The following SLC23A2 variants were observed in gnomAD, a reference collection of about 807,000 sequenced individuals.
SLC23A2 encodes the protein Na(+)/L-ascorbic acid transporter 2.
SLC23A2 carries 36 observed loss-of-function variants against 73.3 expected under a neutral mutation model. That is an observed-to-expected ratio of 0.49 (90% CI 0.38 to 0.65). The LOEUF is 0.65. Among genes scored for constraint, SLC23A2 ranks in the 30% least tolerant of loss-of-function variants. The probability of loss-of-function intolerance (pLI) is 0.00; values close to 1 mark genes in which losing one functional copy is unlikely to be tolerated. For synonymous variants in SLC23A2, 343 were observed against 327.3 expected (o/e 1.05, Z -0.52); for missense variants, 507 against 841.6 (o/e 0.60, Z 4.92).
At chr20:4,963,831 T>C (rs555868775) in intron 2 of SLC23A2, among the ~76,000 whole-genome samples, 6 of 152,002 alleles carry the variant, frequency 3.9e-5, no homozygotes, top group East Asian at 3.9e-4. Context: ...CTGGGTGACA[T>C]AGTGAGACTC....
intron 1 of SLC23A2, among the ~76,000 whole-genome samples, chr20:5,009,962 GCA>G (rs2088231741): frequency 6.6e-6 from 1 of 152,064 alleles, no homozygotes; most frequent in Non-Finnish European, 1.5e-5. Context: ...GGGCGTGGTT[GCA>G]GGCGCCTGTA....
At chr20:4,977,686 A>G (rs2087664890) in intron 1 of SLC23A2, among the ~76,000 whole-genome samples, 2 of 149,332 alleles carry the variant, frequency 1.3e-5, no homozygotes, top group South Asian at 4.3e-4. Context: ...TGACAGAGCG[A>G]GACTCTGTCC....
intron 1 of SLC23A2, among the ~76,000 whole-genome samples, chr20:4,971,885 A>AAAAT (rs1169635796): frequency 2.6e-5 from 4 of 152,226 alleles, no homozygotes; most frequent in Non-Finnish European, 4.4e-5. Flanking sequence ...TGATTTAAAA[A>AAAAT]AAATAAATAA....
intron 2 of SLC23A2, among the ~76,000 whole-genome samples, chr20:4,950,259 G>GTC (rs1703961161): frequency 6.6e-6 from 1 of 152,182 alleles, no homozygotes; most frequent in Non-Finnish European, 1.5e-5. Flanking sequence ...AGATGAATAA[G>GTC]TCCACCCATG....
chr20:4,902,665 G>T lies in SLC23A2; in HGVS notation c.208-107C>A. ...AGAAAAACAACTTTATCAAGTGGTT[G>T]CCATCTTCCTGCAGTTTTGAGCCTT... On this transcript the variant is annotated intron_variant, in intron 4 of 16. Transcript: ENST00000338244. This position sits in a 1 kb window ranked among gnomAD's most constrained non-coding sequence, Gnocchi z 4.0. The T allele has an allele frequency of 1.7e-6, 1 of 587,600 alleles. No homozygotes were observed. 36.4% of individuals were successfully genotyped at this position (587,600 alleles called of 1,614,324 possible). A position where few individuals can be genotyped will look rare whatever the true frequency, so the allele number is the denominator to read the frequency against.
At chr20:4,894,442 A>C (rs373081147) in intron 6 of SLC23A2, among the ~76,000 whole-genome samples, 16 of 152,360 alleles carry the variant, frequency 1.1e-4, no homozygotes, top group African/African-American at 3.6e-4. Context: ...AGAGATGTGC[A>C]GTGAAGGAAG....
chr20:4,874,188 G>A, intron 10 of SLC23A2, 96 bp from the exon 11 acceptor site: 2 of 1,159,294 alleles, frequency 1.7e-6, no homozygotes, highest in Non-Finnish European at 2.5e-6. Context: ...ACACCCCAGA[G>A]CCCACCACAG....
intron 1 of SLC23A2, among the ~76,000 whole-genome samples, chr20:4,976,717 G>A (rs1381625515): frequency 1.3e-5 from 2 of 151,980 alleles, no homozygotes; most frequent in East Asian, 3.9e-4. Context: ...ACTCATGCCT[G>A]TAATCCCAGC....
chr20:4,961,490 T>A (rs1039343182), intron 2 of SLC23A2, among the ~76,000 whole-genome samples: 7 of 152,204 alleles, frequency 4.6e-5, no homozygotes, highest in Non-Finnish European at 5.9e-5. Context: ...AGGACAGCTG[T>A]GAATGCAGCC....
chr20:4,952,508 T>C (rs556578004), intron 2 of SLC23A2, among the ~76,000 whole-genome samples: 1 of 152,114 alleles, frequency 6.6e-6, no homozygotes, highest in East Asian at 1.9e-4. Context: ...TAGATGTGCA[T>C]GAGCTCAAAA....
chr20:4,924,023 G>A (rs1932583936), intron 3 of SLC23A2, among the ~76,000 whole-genome samples: 1 of 152,188 alleles, frequency 6.6e-6, no homozygotes. Flanking sequence ...ATGGGTCCCT[G>A]ATCCTGGTGG....
intron 3 of SLC23A2, among the ~76,000 whole-genome samples, chr20:4,918,215 C>G (rs1932391021): frequency 6.6e-6 from 1 of 152,174 alleles, no homozygotes; most frequent in Non-Finnish European, 1.5e-5. Context: ...TGGCATCGTT[C>G]ACCTCAGGAA....
chr20:4,989,051 C>T (rs1345791644), intron 1 of SLC23A2, among the ~76,000 whole-genome samples: 1 of 151,622 alleles, frequency 6.6e-6, no homozygotes, highest in Non-Finnish European at 1.5e-5. Flanking sequence ...CCAGCCTGAC[C>T]AATGTGGTGA....
In SLC23A2 at chr20:4,855,407, A is replaced by T. The variant is rs1929678909; in HGVS notation, c.*1565T>A. 6.6e-6 allele frequency: 1 copy of T among 152,266 alleles called. No individual in the cohort carries two copies. Among genetic ancestry groups the T allele is most frequent in the African/African-American group, 2.4e-5 (1 of 41,476 alleles). The allele number at this position is 152,266 out of a possible 1,614,324, so 9.4% of individuals were successfully genotyped here. ...TCGACCAGGCCAACGGCCACCGAAG[A>T]TGTGCCACCTCATGAAGCGAGGGCA... On this transcript the variant is annotated 3_prime_UTR_variant, in exon 17 of 17. Coordinates refer to ENST00000338244, the MANE Select transcript of SLC23A2 (RefSeq NM_005116.6).
At chr20:4,936,806 TG>T (rs1164275755) in intron 2 of SLC23A2, among the ~76,000 whole-genome samples, 1 of 152,150 alleles carries the variant, frequency 6.6e-6, no homozygotes, top group African/African-American at 2.4e-5. Context: ...TAAGCTACAG[TG>T]GGGGAACCAC....
intron 2 of SLC23A2, among the ~76,000 whole-genome samples, chr20:4,949,155 G>T (rs758577055): frequency 1.3e-5 from 2 of 151,988 alleles, no homozygotes; most frequent in Non-Finnish European, 2.9e-5. Context: ...AGGCGTGGTG[G>T]CAGGCACCTG....
chr20:5,007,496 G>A (rs921047174), intron 1 of SLC23A2, among the ~76,000 whole-genome samples: 6 of 152,072 alleles, frequency 3.9e-5, no homozygotes, highest in South Asian at 2.1e-4. Context: ...GCACCACTGC[G>A]CACCAACCTG....
chr20:4,950,920 G>A (rs1568638578), intron 2 of SLC23A2, among the ~76,000 whole-genome samples: 1 of 152,186 alleles, frequency 6.6e-6, no homozygotes, highest in Non-Finnish European at 1.5e-5. Flanking sequence ...GGGATAAGAG[G>A]ATGACACCAC....
chr20:4,886,218 G>A (rs1299065668), intron 6 of SLC23A2, among the ~76,000 whole-genome samples: 3 of 152,176 alleles, frequency 2.0e-5, no homozygotes, highest in Non-Finnish European at 4.4e-5. Context: ...GGGAGACTGC[G>A]GGCATTTGAG....
Sources: gnomAD v4.1 joint callset for allele counts (sites outside exome capture counted in the v4.1 genomes callset) on GRCh38, gnomAD v4.1.1 for gene constraint, Gnocchi (gnomAD v3.1) non-coding constraint, MANE v1.5 for transcripts, NCBI Gene and HGNC (gene_info 2026-07-23, HGNC 2026-07-21) for gene names.